Variants in PAMR1 observed in about 807,000 individuals in gnomAD.
The protein encoded by PAMR1 is peptidase domain containing associated with muscle regeneration 1.
Under a neutral mutation model 81.8 loss-of-function variants are expected in PAMR1, and 88 were observed. That is an observed-to-expected ratio of 1.08 (90% confidence interval 0.91 to 1.28). The LOEUF (loss-of-function observed/expected upper bound fraction) is 1.28. PAMR1 is among the 50% of genes most tolerant of loss of function. The probability of loss-of-function intolerance (pLI) is 0.00; values close to 1 mark genes in which losing one functional copy is unlikely to be tolerated. For synonymous variants in PAMR1, 336 were observed against 345.3 expected (o/e 0.97, Z 0.30); for missense variants, 935 against 919.7 (o/e 1.02, Z -0.21).
chr11:35,465,897 T>C lies in PAMR1; in HGVS notation c.820+2104A>G, dbSNP rs185501879. ...CATATTTTACATTCTTTTTTCATTA[T>C]GTTTCTTATTTTCTTAATGGAATAA... On this transcript the variant is annotated intron_variant, in intron 6 of 10. Transcript: ENST00000619888. Among the ~76,000 whole-genome samples the C allele has an allele frequency of 2.8e-3, 423 of 152,356 alleles. 1 individual carries two copies. Among genetic ancestry groups the C allele is most frequent in the Non-Finnish European group, 4.6e-3 (310 of 68,036 alleles).
chr11:35,483,637 G>A (rs1850442391), intron 3 of PAMR1, among the ~76,000 whole-genome samples: 1 of 152,078 alleles, frequency 6.6e-6, no homozygotes, highest in South Asian at 2.1e-4. Context: ...GCTCATCCTG[G>A]AAGAATTCAC....
rs762732343 is a variant in PAMR1, at chr11:35,432,705, G to T, written c.1814C>A (p.Ala605Glu). 1.3e-5 allele frequency: 21 copies of T among 1,613,784 alleles called. No homozygotes were observed. The Admixed American group carries it at 3.5e-4, about 27-fold the overall frequency. ...CTTGAAGCCAGGGCTCCTCACGTCT[G>T]CCAGGACATTCCAGCCAGCCACAGT... ...HITVAGWNVLADVRSPGFKND... is the reference protein window; with the variant it reads ...HITVAGWNVLEDVRSPGFKND... The change falls in exon 11 of 11, where the codon GCA (alanine) becomes GAA (glutamate). Residue 605 changes from alanine to glutamate, a missense_variant. Ala to Glu is a moderately radical substitution (Grantham distance 107). Coordinates refer to ENST00000619888, the MANE Select transcript of PAMR1 (RefSeq NM_001001991.3).
rs116474898 is a variant in PAMR1 at position 35,466,060 on chromosome 11, T to C, written c.820+1941A>G. Among the ~76,000 whole-genome samples, 498 of 150,910 alleles carry C rather than the reference T, an allele frequency of 3.3e-3. 2 individuals carry two copies. The highest frequency in any genetic ancestry group is 0.012 in the African/African-American group (480 of 40,166). On this transcript the variant is annotated intron_variant, in intron 6 of 10. Transcript: ENST00000619888. ...TGGCTTTATCTGGTGATGTTTTACTTCTTTCCAATTCTATTTTTTTTTTTT... is the reference window on the plus strand; with the variant it reads ...TGGCTTTATCTGGTGATGTTTTACTCCTTTCCAATTCTATTTTTTTTTTTT...
At chr11:35,504,503 A>G (rs962242145) in intron 1 of PAMR1, among the ~76,000 whole-genome samples, 6 of 152,052 alleles carry the variant, frequency 3.9e-5, no homozygotes, top group African/African-American at 1.4e-4. Flanking sequence ...AAGCCATCAG[A>G]TGGTCCTGGG....
chr11:35,520,711 C>T (rs543435683), intron 1 of PAMR1, among the ~76,000 whole-genome samples: 22 of 152,278 alleles, frequency 1.4e-4, no homozygotes, highest in Admixed American at 2.6e-4. Context: ...GGGAATGGGG[C>T]ACAATATTCC....
upstream of PAMR1, chr11:35,525,659 GT>G: frequency 7.6e-7 from 1 of 1,309,244 alleles, no homozygotes; most frequent in Non-Finnish European, 1.1e-6. Context: ...GGGCAGGCGG[GT>G]TTTACAGGGA....
intron 3 of PAMR1, among the ~76,000 whole-genome samples, chr11:35,482,256 C>T (rs1373065383): frequency 6.6e-6 from 1 of 152,180 alleles, no homozygotes; most frequent in Non-Finnish European, 1.5e-5. Context: ...CTGCATATGG[C>T]TAGCCAGTTT....
At chr11:35,438,564 AATTC>A in intron 8 of PAMR1, among the ~76,000 whole-genome samples, 1 of 152,332 alleles carries the variant, frequency 6.6e-6, no homozygotes, top group East Asian at 1.9e-4. Flanking sequence ...TTGTCAATCC[AATTC>A]ATTCATTCGA....
At chr11:35,482,156 TTTA>T (rs1226413811) in intron 3 of PAMR1, among the ~76,000 whole-genome samples, 5 of 152,246 alleles carry the variant, frequency 3.3e-5, no homozygotes, top group African/African-American at 4.8e-5. Context: ...TTCTAGGGTT[TTTA>T]TAGTTTTGGG....
intron 3 of PAMR1, among the ~76,000 whole-genome samples, chr11:35,477,499 T>C (rs1201612132): frequency 1.3e-5 from 2 of 152,228 alleles, no homozygotes; most frequent in Non-Finnish European, 2.9e-5. Flanking sequence ...CTGCAGAATC[T>C]GACTGCCCTT....
chr11:35,510,779 A>T (rs990291787), intron 1 of PAMR1, among the ~76,000 whole-genome samples: 2 of 152,216 alleles, frequency 1.3e-5, no homozygotes, highest in Admixed American at 1.3e-4. Flanking sequence ...ACGAAATTTT[A>T]AATTGCTGCA....
At chr11:35,463,233 C>T (rs1856694393) in intron 6 of PAMR1, among the ~76,000 whole-genome samples, 1 of 152,172 alleles carries the variant, frequency 6.6e-6, no homozygotes, top group African/African-American at 2.4e-5. Flanking sequence ...TCTTCCCAGG[C>T]CTTGGGACAG....
At chr11:35,511,864 C>G (rs1851078217) in intron 1 of PAMR1, among the ~76,000 whole-genome samples, 1 of 152,152 alleles carries the variant, frequency 6.6e-6, no homozygotes, top group African/African-American at 2.4e-5. Flanking sequence ...CAAGGCCAAG[C>G]AGGAATGATG....
chr11:35,469,009 T>C (rs990853085), intron 5 of PAMR1, among the ~76,000 whole-genome samples: 1 of 151,952 alleles, frequency 6.6e-6, no homozygotes, highest in Non-Finnish European at 1.5e-5. Flanking sequence ...AAGAAAAATA[T>C]AAAACGACTA....
chr11:35,472,452 C>T (rs951473983), intron 4 of PAMR1, among the ~76,000 whole-genome samples: 2 of 152,164 alleles, frequency 1.3e-5, no homozygotes, highest in Non-Finnish European at 2.9e-5. Context: ...AGGCACGTGC[C>T]GGCCCTCATG....
At chr11:35,469,051 C>A (rs754151837) in intron 5 of PAMR1, among the ~76,000 whole-genome samples, 1 of 152,106 alleles carries the variant, frequency 6.6e-6, no homozygotes, top group African/African-American at 2.4e-5. Context: ...TAGTGTATTA[C>A]GAAGAAAGAA....
At chr11:35,511,636 C>T (rs1481653662) in intron 1 of PAMR1, among the ~76,000 whole-genome samples, 2 of 152,034 alleles carry the variant, frequency 1.3e-5, no homozygotes, top group Non-Finnish European at 2.9e-5. Flanking sequence ...TTATTTTTAC[C>T]GTCTGAATTC....
At chr11:35,467,967 G>T in intron 6 of PAMR1, 34 bp downstream of exon 6, 1 of 1,335,618 alleles carries the variant, frequency 7.5e-7, no homozygotes, top group South Asian at 1.3e-5. Flanking sequence ...AGCCCCATCT[G>T]ACACCTTAAC....
chr11:35,436,430 A>C (rs187415562), intron 8 of PAMR1, among the ~76,000 whole-genome samples: 63 of 152,208 alleles, frequency 4.1e-4, no homozygotes, highest in African/African-American at 1.4e-3. Context: ...GATTACAGAC[A>C]TGCAACACCA....
Sources: gnomAD v4.1 joint callset for allele counts (sites outside exome capture counted in the v4.1 genomes callset) on GRCh38, gnomAD v4.1.1 for gene constraint, MANE v1.5 for transcripts, NCBI Gene and HGNC (gene_info 2026-07-23, HGNC 2026-07-21) for gene names.